Variants in ADGRG3 observed in about 807,000 individuals in gnomAD.
The protein encoded by ADGRG3 is G protein-coupled receptor 97.
Under a neutral mutation model 54.3 loss-of-function variants are expected in ADGRG3, and 39 were observed. The ratio of observed to expected loss-of-function variants is 0.72; its 90% confidence interval spans 0.56 to 0.94. The LOEUF is 0.94. Among genes scored for constraint, ADGRG3 ranks in the 40% least tolerant of loss-of-function variants. The pLI, the probability that ADGRG3 is intolerant of heterozygous loss-of-function variation, is 0.00. For synonymous variants in ADGRG3, 312 were observed against 290.0 expected (o/e 1.08, Z -0.77); for missense variants, 654 against 694.6 (o/e 0.94, Z 0.66).
chr16:57,680,143 C>T (rs2048340471), intron 6 of ADGRG3, 122 bp from the exon 7 acceptor site: 2 of 481,060 alleles, frequency 4.2e-6, no homozygotes, highest in Non-Finnish European at 7.6e-6. Flanking sequence ...CTGTTCACCT[C>T]CTCTCCCCTC....
At chr16:57,679,436 G>A in intron 5 of ADGRG3, 125 bp downstream of exon 5, 1 of 1,069,392 alleles carries the variant, frequency 9.4e-7, no homozygotes, top group Non-Finnish European at 1.4e-6. Flanking sequence ...TCGCCCAGGA[G>A]GAGCCATTAG....
chr16:57,678,247 G>C lies in ADGRG3; in HGVS notation c.423G>C (p.Leu141=). The C allele has an allele frequency of 6.2e-7, 1 of 1,614,200 alleles. No homozygotes were observed. Among genetic ancestry groups the C allele is most frequent in the Non-Finnish European group, 8.5e-7 (1 of 1,180,016 alleles). ...VRLPKSLFRS[L]PGNRSVVRLA... ...TTCCCAAGAGCCTTTTTCGATCCCT[G>C]CCAGGCAACAGGTCTGTGGTCCGCT... Residue 141 remains leucine, a synonymous_variant, in exon 4 of 12, where the codon CTG becomes CTC. Transcript: ENST00000333493.
intron 11 of ADGRG3, 60 bp from the exon 12 acceptor site, chr16:57,688,292 G>A (rs546272039): frequency 1.8e-6 from 2 of 1,084,504 alleles, no homozygotes; most frequent in African/African-American, 3.1e-5. Flanking sequence ...CACCAGCCCA[G>A]GCTGCCCCAC....
At chr16:57,667,107 C>T (rs533085569), upstream of ADGRG3, among the ~76,000 whole-genome samples, 1 of 152,310 alleles carries the variant, frequency 6.6e-6, no homozygotes, top group South Asian at 2.1e-4. Context: ...ATGCTGAATT[C>T]CCACCTGCTC....
At chr16:57,666,713 G>A (rs116192597), upstream of ADGRG3, among the ~76,000 whole-genome samples, 2,786 of 152,270 alleles carry the variant, frequency 0.018, 77 homozygotes, top group African/African-American at 0.063. Context: ...GCGTTTCAGG[G>A]AAGGGGCCTT....
Position 57,676,298 on chromosome 16 carries a change from A to T in ADGRG3, c.305A>T (p.Asn102Ile). Residue 102 changes from asparagine (N) to isoleucine (I), a missense_variant, in exon 3 of 12, where the codon AAC (asparagine) becomes ATC (isoleucine). Physicochemically the swap from Asn to Ile is moderately radical, Grantham distance 149. Coordinates refer to ENST00000333493, the MANE Select transcript of ADGRG3 (RefSeq NM_170776.5). ...LKALVQNLST[N>I]TAEDFYFSLE... ...GCTTTGGTCCAGAACCTCAGCACCA[A>T]CACTGCAGAAGACTTCTATTTCTCT... 6.2e-7 allele frequency: 1 copy of T among 1,614,154 alleles called. No individual in the cohort carries two copies. Among genetic ancestry groups the T allele is most frequent in the South Asian group, 1.1e-5 (1 of 91,084 alleles).
rs372769685 is a variant in ADGRG3, at chr16:57,680,247, C to T, written c.668-18C>T. On this transcript the variant is annotated intron_variant, in intron 6 of 11. Coordinates refer to ENST00000333493, the MANE Select transcript of ADGRG3 (RefSeq NM_170776.5). ...CCCTATATTCCCTTTCCCTCTGTTC[C>T]CCTGGCCTCCTCTCCAGGGACCACT... 1 of 1,510,148 alleles carries T rather than the reference C, an allele frequency of 6.6e-7. No homozygotes were observed. The highest frequency in any genetic ancestry group is 9.1e-7 in the Non-Finnish European group (1 of 1,092,958). 93.5% of individuals were successfully genotyped at this position (1,510,148 alleles called of 1,614,324 possible).
intron 2 of ADGRG3, 47 bp from the exon 3 acceptor site, chr16:57,676,153 C>G (rs2048259105): frequency 1.3e-6 from 2 of 1,589,300 alleles, no homozygotes; most frequent in Non-Finnish European, 8.6e-7. Flanking sequence ...GAGTGAGTAA[C>G]TCAGCCTGCA....
chr16:57,684,092 T>G lies in ADGRG3; in HGVS notation c.1042T>G (p.Phe348Val). ...CWARGAVFHY[F>V]LLCAFTWMGL... ...GGCCCGGGGGGCTGTCTTCCACTAC[T>G]TCCTGCTCTGTGCCTTCACCTGGAT... is the stretch of plus-strand genomic sequence containing the variant. The change falls in exon 9 of 12, where the codon TTC (phenylalanine) becomes GTC (valine). Residue 348 changes from phenylalanine (F) to valine (V), a missense_variant. Phe to Val is a conservative substitution (Grantham distance 50). Transcript: ENST00000333493. 1.2e-6 allele frequency: 2 copies of G among 1,614,110 alleles called. No individual in the cohort carries two copies. The highest frequency in any genetic ancestry group is 1.7e-6 in the Non-Finnish European group (2 of 1,179,978).
intron 8 of ADGRG3, among the ~76,000 whole-genome samples, chr16:57,682,874 C>G (rs1209975400): frequency 2.0e-5 from 3 of 152,240 alleles, no homozygotes; most frequent in African/African-American, 7.2e-5. Flanking sequence ...CGGCTTCATG[C>G]ATCCACCCAT....
chr16:57,688,662 T>C lies in ADGRG3; in HGVS notation c.*201T>C, dbSNP rs907032038. Reference sequence around the variant, plus strand: ...AGGTCCAAGAGTCCACGTAAGCAGGTTTGCAAGGCTCTAAAGTTCCTATAG... The same window carrying C: ...AGGTCCAAGAGTCCACGTAAGCAGGCTTGCAAGGCTCTAAAGTTCCTATAG... On this transcript the variant is annotated 3_prime_UTR_variant, in exon 12 of 12. Coordinates refer to ENST00000333493, the MANE Select transcript of ADGRG3 (RefSeq NM_170776.5). 5 of 576,112 alleles carry C rather than the reference T, an allele frequency of 8.7e-6. No individual in the cohort carries two copies. The African/African-American group carries it at 9.4e-5, about 11-fold the overall frequency. The allele number at this position is 576,112 out of a possible 1,614,324, so 35.7% of individuals were successfully genotyped here.
intron 1 of ADGRG3, among the ~76,000 whole-genome samples, chr16:57,669,203 G>C (rs1382944940): frequency 6.6e-6 from 1 of 152,204 alleles, no homozygotes. Context: ...TTTTGCTCCT[G>C]ACTCGGTGAG....
rs142038844 is a variant in ADGRG3 at position 57,684,147 on chromosome 16, T to A, written c.1097T>A (p.Leu366His). The change falls in exon 9 of 12, where the codon CTC becomes CAC. Residue 366 changes from leucine to histidine, a missense_variant. Leu to His is a moderately conservative substitution (Grantham distance 99, BLOSUM62 -3). Coordinates refer to ENST00000333493, the MANE Select transcript of ADGRG3 (RefSeq NM_170776.5). ...CTTGAAGCCTTCCACCTCTACCTGC[T>A]CGCTGTCAGGGTCTTCAACACCTAC... The part of the protein sequence containing the change: ...MGLEAFHLYL[L>H]AVRVFNTYFG... 1 of 1,614,092 alleles carries A rather than the reference T, an allele frequency of 6.2e-7. No individual in the cohort carries two copies. The highest frequency in any genetic ancestry group is 8.5e-7 in the Non-Finnish European group (1 of 1,179,982).
At chr16:57,668,301 G>A, upstream of ADGRG3, 1 of 1,506,992 alleles carries the variant, frequency 6.6e-7, no homozygotes, top group Non-Finnish European at 9.0e-7. Flanking sequence ...TGGGGCCAGA[G>A]GGCCAGACAG....
intron 6 of ADGRG3, 74 bp downstream of exon 6, chr16:57,679,929 C>T: frequency 8.2e-7 from 1 of 1,216,620 alleles, no homozygotes; most frequent in Non-Finnish European, 1.2e-6. Context: ...GCGGGGCTAG[C>T]TCCACTGGCT....
At chr16:57,669,326 T>C (rs191291010) in intron 1 of ADGRG3, among the ~76,000 whole-genome samples, 82 of 152,324 alleles carry the variant, frequency 5.4e-4, no homozygotes, top group Non-Finnish European at 1.0e-3. Context: ...CATTGGAAGA[T>C]TCAGTGGAGT....
intron 4 of ADGRG3, chr16:57,678,636 C>T (rs1158408435): frequency 7.3e-6 from 3 of 412,602 alleles, no homozygotes; most frequent in African/African-American, 6.0e-5. Flanking sequence ...CTTTTCTATT[C>T]TTGTGCACGC....
chr16:57,686,105 T>C (rs1471838812), intron 11 of ADGRG3, 179 bp downstream of exon 11: 1 of 639,000 alleles, frequency 1.6e-6, no homozygotes, highest in East Asian at 2.7e-5. Flanking sequence ...GCTGCTGTAT[T>C]AGTCCGTTTG....
At chr16:57,668,259 G>A (rs1166783924), upstream of ADGRG3, 3 of 1,055,656 alleles carry the variant, frequency 2.8e-6, no homozygotes, top group East Asian at 5.2e-5. Context: ...TGGTGGGGCT[G>A]CAGGGTGGGG....
Sources: allele counts gnomAD v4.1 joint callset (sites outside exome capture counted in the v4.1 genomes callset), GRCh38; gene constraint gnomAD v4.1.1; transcripts MANE v1.5; gene names NCBI Gene and HGNC (gene_info 2026-07-23, HGNC 2026-07-21).